JAZF1: variants seen among roughly 807,000 people sequenced by gnomAD.
JAZF1 encodes JAZF zinc finger 1.
In JAZF1, 8 loss-of-function variants were observed where a neutral mutation model predicts 26.4. The ratio of observed to expected loss-of-function variants is 0.30; its 90% confidence interval spans 0.18 to 0.55. The LOEUF (loss-of-function observed/expected upper bound fraction) is 0.55, where lower values mean the gene tolerates loss of function less well. Ranked by LOEUF, JAZF1 falls within the 20% of genes least tolerant of loss-of-function variation. The pLI is 0.94. For missense variants in JAZF1, 199 were observed against 322.0 expected (o/e 0.62, Z 2.92); for synonymous variants, 126 against 122.3 (o/e 1.03, Z -0.20).
chr7:28,148,194 C>T (rs1229213985), intron 1 of JAZF1, among the ~76,000 whole-genome samples: 2 of 151,938 alleles, frequency 1.3e-5, no homozygotes, highest in Non-Finnish European at 2.9e-5. Context: ...CCTCAGCTTC[C>T]CGAGTAGCTG....
chr7:27,871,016 A>G (rs553850573), intron 3 of JAZF1, among the ~76,000 whole-genome samples: 1 of 152,324 alleles, frequency 6.6e-6, no homozygotes, highest in South Asian at 2.1e-4. Context: ...ATGTAGATGC[A>G]GTTTCATGAA....
At chr7:27,914,164 A>G (rs1233489657) in intron 2 of JAZF1, among the ~76,000 whole-genome samples, 1 of 152,316 alleles carries the variant, frequency 6.6e-6, no homozygotes, top group South Asian at 2.1e-4. Flanking sequence ...GAATACTTGT[A>G]AACTGGAAAG....
At chr7:28,023,247 G>A (rs1282029260) in intron 1 of JAZF1, among the ~76,000 whole-genome samples, 4 of 152,090 alleles carry the variant, frequency 2.6e-5, no homozygotes, top group Non-Finnish European at 5.9e-5. Context: ...AAGTGATAAT[G>A]ACTAATTTAC....
chr7:27,922,389 C>T (rs560668545), intron 2 of JAZF1, among the ~76,000 whole-genome samples: 34 of 152,148 alleles, frequency 2.2e-4, no homozygotes, highest in African/African-American at 7.5e-4. Flanking sequence ...GACTGGACTA[C>T]AGGCTCACAC....
chr7:27,939,444 C>A (rs1434121566), intron 2 of JAZF1, among the ~76,000 whole-genome samples: 1 of 152,178 alleles, frequency 6.6e-6, no homozygotes, highest in Non-Finnish European at 1.5e-5. Context: ...TCCTGCCATA[C>A]CCCCAATACT....
intron 1 of JAZF1, among the ~76,000 whole-genome samples, chr7:28,005,181 C>T (rs1782677591): frequency 6.6e-6 from 1 of 152,068 alleles, no homozygotes; most frequent in African/African-American, 2.4e-5. Flanking sequence ...CAGTATGTGC[C>T]TACAATTAAT....
chr7:28,154,427 C>T (rs1287790258), intron 1 of JAZF1, among the ~76,000 whole-genome samples: 1 of 152,162 alleles, frequency 6.6e-6, no homozygotes, highest in East Asian at 1.9e-4. Context: ...CATTATACAG[C>T]CTCTTCAAGA....
chr7:27,976,662 T>C (rs368688138), intron 2 of JAZF1, among the ~76,000 whole-genome samples: 1 of 151,738 alleles, frequency 6.6e-6, no homozygotes, highest in African/African-American at 2.4e-5. Context: ...GTAATAAATA[T>C]GACTGCTCTC....
intron 1 of JAZF1, among the ~76,000 whole-genome samples, chr7:28,148,802 A>C (rs1028783881): frequency 6.6e-6 from 1 of 152,224 alleles, no homozygotes; most frequent in Non-Finnish European, 1.5e-5. Flanking sequence ...CACTTGAAAC[A>C]ATCAGACAGC....
At chr7:28,109,134 A>C (rs759271472) in intron 1 of JAZF1, among the ~76,000 whole-genome samples, 1 of 152,206 alleles carries the variant, frequency 6.6e-6, no homozygotes, top group Non-Finnish European at 1.5e-5. Context: ...CTGGGGATGT[A>C]ATTAATAGCA....
intron 2 of JAZF1, among the ~76,000 whole-genome samples, chr7:27,960,179 CTTG>C (rs897527801): frequency 2.0e-5 from 3 of 152,192 alleles, no homozygotes; most frequent in African/African-American, 4.8e-5. Context: ...CCCAGTTAGA[CTTG>C]TTGTGCTTAT....
At chr7:28,018,055 A>T (rs1270738655) in intron 1 of JAZF1, among the ~76,000 whole-genome samples, 2 of 152,214 alleles carry the variant, frequency 1.3e-5, no homozygotes, top group Non-Finnish European at 2.9e-5. Context: ...AATTACCTCT[A>T]TGAAGGAAAC....
intron 1 of JAZF1, among the ~76,000 whole-genome samples, chr7:28,165,785 T>C (rs1398771818): frequency 1.3e-5 from 2 of 152,176 alleles, no homozygotes; most frequent in Non-Finnish European, 2.9e-5. Flanking sequence ...AACCTCTCTC[T>C]CCTGACTCGC....
chr7:28,132,405 A>G (rs1202304163), intron 1 of JAZF1, among the ~76,000 whole-genome samples: 1 of 152,172 alleles, frequency 6.6e-6, no homozygotes, highest in Non-Finnish European at 1.5e-5. Flanking sequence ...CGTGGGAACA[A>G]AGTATCAGGA....
chr7:28,028,063 A>G lies in JAZF1; in HGVS notation c.116-36082T>C, dbSNP rs557219919. On this transcript the variant is annotated intron_variant, in intron 1 of 4. Transcript: ENST00000283928. ...ATATTTTCTAATTGGTTTATTTGAA[A>G]GTTTGGTCTCAGGAACTGCTCTGCA... 2.6e-5 allele frequency among the ~76,000 whole-genome samples: 4 copies of G among 152,332 alleles called. No homozygotes were observed. In the South Asian group the frequency reaches 8.3e-4, roughly 32 times the overall value.
At chr7:27,923,010 C>T (rs372862348) in intron 2 of JAZF1, among the ~76,000 whole-genome samples, 20 of 152,290 alleles carry the variant, frequency 1.3e-4, no homozygotes, top group African/African-American at 4.1e-4. Flanking sequence ...TTTAAGGACC[C>T]GAAGGGAGTT....
chr7:28,105,851 C>G (rs557614521), intron 1 of JAZF1, among the ~76,000 whole-genome samples: 1 of 152,324 alleles, frequency 6.6e-6, no homozygotes, highest in South Asian at 2.1e-4. Flanking sequence ...GATGAGCACA[C>G]AGCATCTCAT....
intron 2 of JAZF1, among the ~76,000 whole-genome samples, chr7:27,931,493 ATG>A (rs1165951746): frequency 6.6e-6 from 1 of 152,204 alleles, no homozygotes; most frequent in Non-Finnish European, 1.5e-5. Context: ...TGGCACAGCA[ATG>A]TGTGTGTTTG....
intron 1 of JAZF1, among the ~76,000 whole-genome samples, chr7:28,027,591 TGGGAGAGTG>T (rs1783116196): frequency 1.3e-5 from 2 of 152,118 alleles, no homozygotes; most frequent in Non-Finnish European, 2.9e-5. Context: ...GAACGTGGGT[TGGGAGAGTG>T]GGGAGAGCAC....
Sources: gnomAD v4.1 joint callset for allele counts (sites outside exome capture counted in the v4.1 genomes callset) on GRCh38, gnomAD v4.1.1 for gene constraint, MANE v1.5 for transcripts, NCBI Gene and HGNC (gene_info 2026-07-23, HGNC 2026-07-21) for gene names.